C21orf91: variants seen among roughly 807,000 people sequenced by gnomAD.
C21orf91 encodes the protein chromosome 21 open reading frame 91.
A neutral mutation model predicts 32.9 loss-of-function variants in C21orf91; 26 were observed. The ratio of observed to expected loss-of-function variants is 0.79; its 90% CI spans 0.58 to 1.10. The LOEUF is 1.10. C21orf91 is among the 50% of genes least tolerant of loss of function. The pLI is 0.00. For synonymous variants in C21orf91, 126 were observed against 120.4 expected, an observed-to-expected ratio of 1.05 and a Z score of -0.31; for missense variants, 310 against 341.3, an observed-to-expected ratio of 0.91 and a Z score of 0.72.
Position 17,796,673 on chromosome 21 carries a change from A to C in C21orf91, c.573T>G (p.His191Gln). ...TLCRNSVLWP[H>Q]SHNQAQKKEE... ...CTTTTTTCTGTGCCTGGTTGTGACT[A>C]TGAGGCCACAATACACTGTTACGAC... Residue 191 changes from histidine (H) to glutamine (Q), a missense_variant, in exon 3 of 5, where the codon CAT becomes CAG. By Grantham distance (24) the His-to-Gln change is conservative (BLOSUM62 0). Transcript: ENST00000284881. The C allele has an allele frequency of 6.2e-7, 1 of 1,613,634 alleles. No individual in the cohort carries two copies. Among genetic ancestry groups the C allele is most frequent in the Non-Finnish European group, 8.5e-7 (1 of 1,179,550 alleles).
At chr21:17,800,145 A>C (rs1346722053) in intron 2 of C21orf91, among the ~76,000 whole-genome samples, 1 of 151,634 alleles carries the variant, frequency 6.6e-6, no homozygotes, top group Non-Finnish European at 1.5e-5. Context: ...ACATACAGAA[A>C]ATATACAAGA....
At chr21:17,794,034 G>A (rs1255614196) in intron 4 of C21orf91, among the ~76,000 whole-genome samples, 1 of 152,168 alleles carries the variant, frequency 6.6e-6, no homozygotes, top group African/African-American at 2.4e-5. Flanking sequence ...GCAACTTTTG[G>A]TTTCAATTTC....
chr21:17,810,304 TA>T (rs1442785563), intron 2 of C21orf91, among the ~76,000 whole-genome samples: 1 of 152,228 alleles, frequency 6.6e-6, no homozygotes, highest in Non-Finnish European at 1.5e-5. Context: ...TTTTAATTTA[TA>T]TTCGGTAATA....
intron 4 of C21orf91, among the ~76,000 whole-genome samples, chr21:17,793,839 T>C (rs1344181288): frequency 4.6e-5 from 7 of 152,194 alleles, no homozygotes; most frequent in African/African-American, 1.7e-4. Flanking sequence ...AAAATGGTGG[T>C]TGCTACTGTA....
Position 17,797,066 on chromosome 21 carries a change from G to C in C21orf91, c.180C>G (p.Asp60Glu). 6.2e-7 allele frequency: 1 copy of C among 1,610,856 alleles called. No individual in the cohort carries two copies. The highest frequency in any genetic ancestry group is 8.5e-7 in the Non-Finnish European group (1 of 1,177,524). The change falls in exon 3 of 5, where the codon GAC becomes GAG. Residue 60 changes from aspartate to glutamate, a missense_variant. By Grantham distance (45) the Asp-to-Glu change is conservative. Transcript: ENST00000284881. ...CAATTAAATGGTATTTTTCAAAGCA[G>C]TCTTTATGGCCCCTTAATGATTTGG... Reference protein sequence around the residue: ...LHTKSLRGHKDCFEKYHLIAN... With the variant: ...LHTKSLRGHKECFEKYHLIAN...
chr21:17,794,920 G>C (rs773474732), intron 4 of C21orf91, among the ~76,000 whole-genome samples: 1 of 150,852 alleles, frequency 6.6e-6, no homozygotes, highest in Non-Finnish European at 1.5e-5. Flanking sequence ...TAGAAAATTA[G>C]CTGGGTGTAA....
chr21:17,797,340 T>G (rs1315425398), intron 2 of C21orf91, among the ~76,000 whole-genome samples: 1 of 151,304 alleles, frequency 6.6e-6, no homozygotes, highest in Admixed American at 6.5e-5. Context: ...TTCTAAGAAC[T>G]TAATTATTCA....
intron 2 of C21orf91, among the ~76,000 whole-genome samples, chr21:17,806,964 T>G (rs768715595): frequency 6.6e-6 from 1 of 152,186 alleles, no homozygotes; most frequent in African/African-American, 2.4e-5. Context: ...CAACTGAGAA[T>G]TGAGATCTCC....
chr21:17,816,566 C>A (rs1193206001), intron 2 of C21orf91, among the ~76,000 whole-genome samples: 1 of 152,220 alleles, frequency 6.6e-6, no homozygotes, highest in Admixed American at 6.5e-5. Context: ...GACTGCCAGG[C>A]TTTAAAGTCC....
At chr21:17,812,007 C>T (rs1229056834) in intron 2 of C21orf91, among the ~76,000 whole-genome samples, 1 of 152,048 alleles carries the variant, frequency 6.6e-6, no homozygotes, top group East Asian at 1.9e-4. Flanking sequence ...TTTAAACGCA[C>T]CCTAGACACC....
intron 2 of C21orf91, among the ~76,000 whole-genome samples, chr21:17,807,588 C>T (rs539400270): frequency 3.0e-4 from 45 of 152,310 alleles, no homozygotes; most frequent in Middle Eastern, 6.8e-3. Flanking sequence ...AGGGAAACTT[C>T]GGAACTTCCT....
intron 2 of C21orf91, among the ~76,000 whole-genome samples, chr21:17,812,524 T>G (rs965919904): frequency 6.6e-6 from 1 of 152,182 alleles, no homozygotes; most frequent in Non-Finnish European, 1.5e-5. Context: ...AAGAAACCAC[T>G]GTTGGCCGGG....
At chr21:17,794,547 A>G (rs1250240342) in intron 4 of C21orf91, among the ~76,000 whole-genome samples, 1 of 152,236 alleles carries the variant, frequency 6.6e-6, no homozygotes, top group East Asian at 1.9e-4. Flanking sequence ...GATACTGATT[A>G]TTATGCCTTT....
chr21:17,789,778 A>G lies in C21orf91; in HGVS notation c.*3637T>C, dbSNP rs1019111194. ...CTCCAAGTTACCTTTATTTTGTGTG[A>G]GGGCTCTAGTATTCTGGTAAATAAA... On this transcript the variant is annotated 3_prime_UTR_variant, in exon 5 of 5. Coordinates refer to ENST00000284881, the MANE Select transcript of C21orf91 (RefSeq NM_001100420.2). 9.2e-5 allele frequency: 14 copies of G among 152,080 alleles called. No individual in the cohort carries two copies. The highest frequency in any genetic ancestry group is 3.4e-4 in the African/African-American group (14 of 41,430). 9.4% of individuals were successfully genotyped at this position (152,080 alleles called of 1,614,324 possible). A position where few individuals can be genotyped will look rare whatever the true frequency, so the allele number is the denominator to read the frequency against.
intron 3 of C21orf91, among the ~76,000 whole-genome samples, chr21:17,795,877 C>T (rs953851390): frequency 2.0e-5 from 3 of 152,094 alleles, no homozygotes; most frequent in African/African-American, 2.4e-5. Context: ...ATCTCCTATT[C>T]GGTTTCAGTT....
At chr21:17,816,866 T>C (rs1257457393) in intron 2 of C21orf91, among the ~76,000 whole-genome samples, 1 of 152,236 alleles carries the variant, frequency 6.6e-6, no homozygotes, top group African/African-American at 2.4e-5. Context: ...AAAATTAAAA[T>C]TCTACAATGT....
At position 17,793,173 on chromosome 21, in the gene C21orf91, T is replaced by G. The variant is rs1051204208; in HGVS notation, c.*242A>C. ...GTAACAGTATATTTAAGTAGTCACA[T>G]GTGATAAAATTTGTTTAGTAATTCT... On this transcript the variant is annotated 3_prime_UTR_variant, in exon 5 of 5. Coordinates refer to ENST00000284881, the MANE Select transcript of C21orf91 (RefSeq NM_001100420.2). The G allele has an allele frequency of 7.0e-6, 2 of 287,690 alleles. No individual in the cohort carries two copies. Among genetic ancestry groups the G allele is most frequent in the Non-Finnish European group, 1.3e-5 (2 of 156,848 alleles). The allele number at this position is 287,690 out of a possible 1,614,324, so 17.8% of individuals were successfully genotyped here. A position where few individuals can be genotyped will look rare whatever the true frequency, so the allele number is the denominator to read the frequency against.
At chr21:17,801,521 C>T (rs1042675396) in intron 2 of C21orf91, among the ~76,000 whole-genome samples, 6 of 152,062 alleles carry the variant, frequency 3.9e-5, no homozygotes, top group Admixed American at 1.3e-4. Flanking sequence ...CCGCCCGCCT[C>T]GGCCTCCTAA....
intron 2 of C21orf91, among the ~76,000 whole-genome samples, chr21:17,800,349 A>C (rs1020302043): frequency 1.3e-5 from 2 of 152,192 alleles, no homozygotes; most frequent in Non-Finnish European, 2.9e-5. Flanking sequence ...TAAAACACTG[A>C]CTACTTCATA....
Sources: allele counts gnomAD v4.1 joint callset (sites outside exome capture counted in the v4.1 genomes callset), GRCh38; gene constraint gnomAD v4.1.1; transcripts MANE v1.5; gene names NCBI Gene and HGNC (gene_info 2026-07-23, HGNC 2026-07-21).